STXBP5L: variants seen among roughly 807,000 people sequenced by gnomAD.
STXBP5L encodes syntaxin binding protein 5L.
A neutral mutation model predicts 144.5 loss-of-function variants in STXBP5L; 65 were observed. The ratio of observed to expected loss-of-function variants is 0.45; its 90% CI spans 0.37 to 0.55. The LOEUF (loss-of-function observed/expected upper bound fraction) is 0.55, where lower values mean the gene tolerates loss of function less well. Ranked by LOEUF, STXBP5L falls within the 20% of genes least tolerant of loss-of-function variation. STXBP5L has a pLI of 0.00. For missense variants in STXBP5L, 1,298 were observed against 1,405.5 expected (o/e 0.92, Z 1.22); for synonymous variants, 505 against 469.6 (o/e 1.08, Z -0.97).
chr3:121,263,445 G>A (rs1335386460), intron 18 of STXBP5L, among the ~76,000 whole-genome samples: 1 of 151,996 alleles, frequency 6.6e-6, no homozygotes, highest in African/African-American at 2.4e-5. Context: ...CACCAGCAAG[G>A]GAACAAAACT....
chr3:120,997,677 A>G (rs1943457708), intron 3 of STXBP5L, among the ~76,000 whole-genome samples: 1 of 151,844 alleles, frequency 6.6e-6, no homozygotes, highest in African/African-American at 2.4e-5. Flanking sequence ...TGGATATTAG[A>G]CCTTTGTCAG....
chr3:121,377,479 C>A (rs2046216507), intron 20 of STXBP5L, among the ~76,000 whole-genome samples: 1 of 152,124 alleles, frequency 6.6e-6, no homozygotes, highest in Non-Finnish European at 1.5e-5. Flanking sequence ...GGAACTTAGA[C>A]AAATTTACAA....
intron 18 of STXBP5L, among the ~76,000 whole-genome samples, chr3:121,274,200 G>A (rs574130033): frequency 6.6e-6 from 1 of 152,212 alleles, no homozygotes; most frequent in East Asian, 1.9e-4. Flanking sequence ...CACCTGATCT[G>A]GTCTTTTTGA....
chr3:121,304,996 CA>C (rs1359326117), intron 19 of STXBP5L, among the ~76,000 whole-genome samples: 1 of 151,884 alleles, frequency 6.6e-6, no homozygotes, highest in African/African-American at 2.4e-5. Context: ...AAAAAAGCAT[CA>C]CTGAATTCTA....
intron 5 of STXBP5L, among the ~76,000 whole-genome samples, chr3:121,078,092 A>G (rs193183259): frequency 1.4e-4 from 21 of 150,736 alleles, no homozygotes; most frequent in African/African-American, 5.1e-4. Context: ...ACAATCCCTT[A>G]GCTAGACACA....
At chr3:120,968,651 T>C (rs1476925031) in intron 3 of STXBP5L, among the ~76,000 whole-genome samples, 1 of 152,172 alleles carries the variant, frequency 6.6e-6, no homozygotes, top group Non-Finnish European at 1.5e-5. Flanking sequence ...TGATTTCTGA[T>C]ATTTTAGTGC....
chr3:121,205,556 A>G (rs990001326), intron 9 of STXBP5L, among the ~76,000 whole-genome samples: 1 of 152,328 alleles, frequency 6.6e-6, no homozygotes, highest in East Asian at 1.9e-4. Flanking sequence ...ATAGTAATAC[A>G]TTTCATTATG....
At position 120,924,224 on chromosome 3, in the gene STXBP5L, A is replaced by C. The variant is rs151204409; in HGVS notation, c.189+14457A>C. Among the ~76,000 whole-genome samples the C allele has an allele frequency of 4.8e-3, 735 of 152,302 alleles. 5 individuals carry two copies. Among genetic ancestry groups the C allele is most frequent in the Non-Finnish European group, 7.3e-3 (499 of 68,010 alleles). ...ATCCCACTGCATTGTTTCACAGTAC[A>C]ATTGTATTCCACTTAAATTAGAAAA... On this transcript the variant is annotated intron_variant, in intron 2 of 26. Coordinates refer to ENST00000471454, the MANE Select transcript of STXBP5L (RefSeq NM_001308330.2).
At chr3:121,202,093 T>C (rs1459507196) in intron 9 of STXBP5L, among the ~76,000 whole-genome samples, 1 of 152,142 alleles carries the variant, frequency 6.6e-6, no homozygotes, top group Non-Finnish European at 1.5e-5. Flanking sequence ...TTGTTATATG[T>C]TTTATATCTA....
chr3:121,028,499 G>T (rs1370333606), intron 3 of STXBP5L, among the ~76,000 whole-genome samples: 2 of 152,010 alleles, frequency 1.3e-5, no homozygotes, highest in African/African-American at 2.4e-5. Context: ...CAAAAGTAAA[G>T]CTATCCACTG....
At chr3:121,329,286 C>A (rs1197715466) in intron 20 of STXBP5L, among the ~76,000 whole-genome samples, 1 of 152,094 alleles carries the variant, frequency 6.6e-6, no homozygotes, top group South Asian at 2.1e-4. Flanking sequence ...GTATAACCTG[C>A]AATTCTTCTT....
At chr3:121,276,865 C>A (rs1158615608) in intron 18 of STXBP5L, among the ~76,000 whole-genome samples, 1 of 151,626 alleles carries the variant, frequency 6.6e-6, no homozygotes, top group Non-Finnish European at 1.5e-5. Flanking sequence ...TTTCTATTAT[C>A]TGCAGGCTTA....
chr3:120,983,070 T>C (rs1941948348), intron 3 of STXBP5L, among the ~76,000 whole-genome samples: 1 of 152,174 alleles, frequency 6.6e-6, no homozygotes, highest in South Asian at 2.1e-4. Context: ...CATGTTTTGC[T>C]CACACTTCCA....
intron 20 of STXBP5L, among the ~76,000 whole-genome samples, chr3:121,343,186 A>C (rs1013658580): frequency 6.6e-6 from 1 of 151,566 alleles, no homozygotes; most frequent in African/African-American, 2.4e-5. Context: ...CCACTTTTTG[A>C]TGGGGTTGTT....
At chr3:121,021,746 C>A (rs565952159) in intron 3 of STXBP5L, among the ~76,000 whole-genome samples, 1 of 152,050 alleles carries the variant, frequency 6.6e-6, no homozygotes, top group Non-Finnish European at 1.5e-5. Context: ...TATCAAATCT[C>A]CTGGAATACA....
intron 20 of STXBP5L, among the ~76,000 whole-genome samples, chr3:121,321,586 T>A (rs139784841): frequency 2.0e-5 from 3 of 152,330 alleles, no homozygotes; most frequent in African/African-American, 7.2e-5. Flanking sequence ...CCTGAGATTT[T>A]GTATTTCTAG....
intron 3 of STXBP5L, among the ~76,000 whole-genome samples, chr3:120,979,987 C>G (rs937296453): frequency 6.6e-6 from 1 of 152,146 alleles, no homozygotes; most frequent in East Asian, 1.9e-4. Context: ...ATGCAACAAT[C>G]TTTCAGGAGC....
intron 3 of STXBP5L, among the ~76,000 whole-genome samples, chr3:121,029,818 C>T (rs1946232559): frequency 6.6e-6 from 1 of 151,024 alleles, no homozygotes; most frequent in Non-Finnish European, 1.5e-5. Flanking sequence ...CTACAAGGAA[C>T]TTAAACAAAT....
intron 1 of STXBP5L, chr3:120,909,221 T>C: frequency 4.7e-6 from 1 of 212,300 alleles, no homozygotes; most frequent in Non-Finnish European, 9.3e-6. Flanking sequence ...GATTGTATAA[T>C]AATGATGATA....
Sources: allele counts gnomAD v4.1 joint callset (sites outside exome capture counted in the v4.1 genomes callset), GRCh38; gene constraint gnomAD v4.1.1; transcripts MANE v1.5; gene names NCBI Gene and HGNC (gene_info 2026-07-23, HGNC 2026-07-21).